PTPRG: variants seen among roughly 807,000 people sequenced by gnomAD.
PTPRG encodes the protein protein tyrosine phosphatase receptor type G.
In PTPRG, 102 loss-of-function variants were observed where a neutral mutation model predicts 165.3. The ratio of observed to expected loss-of-function variants is 0.62; its 90% CI spans 0.53 to 0.73. The LOEUF is 0.73. Ranked by LOEUF, PTPRG falls within the 30% of genes least tolerant of loss-of-function variation. PTPRG has a pLI of 0.00. For missense variants in PTPRG, 1,866 were observed against 1,861.4 expected, an observed-to-expected ratio of 1.00 and a Z score of -0.05; for synonymous variants, 675 against 669.5, an observed-to-expected ratio of 1.01 and a Z score of -0.13.
intron 2 of PTPRG, among the ~76,000 whole-genome samples, chr3:61,807,766 G>T (rs1343741721): frequency 1.3e-5 from 2 of 149,830 alleles, no homozygotes; most frequent in African/African-American, 4.9e-5. Flanking sequence ...ATTTTTTTTT[G>T]CCCTTTCAGA....
At chr3:61,780,494 C>T (rs1291162636) in intron 2 of PTPRG, among the ~76,000 whole-genome samples, 1 of 152,154 alleles carries the variant, frequency 6.6e-6, no homozygotes, top group East Asian at 1.9e-4. Context: ...TCCTTGGATT[C>T]GTTCCCAATA....
chr3:62,204,095 C>T (rs1700165214), intron 12 of PTPRG, 145 bp downstream of exon 12: 8 of 1,361,254 alleles, frequency 5.9e-6, no homozygotes, highest in Middle Eastern at 2.6e-4. Flanking sequence ...AAGGTGCACA[C>T]ATGTGAAATG....
intron 13 of PTPRG, among the ~76,000 whole-genome samples, chr3:62,220,711 T>C (rs974086808): frequency 5.9e-5 from 9 of 152,166 alleles, no homozygotes; most frequent in Non-Finnish European, 4.4e-5. Context: ...TGTGCAAATA[T>C]GTTTGAAGCC....
At chr3:61,975,759 G>T (rs769791700) in intron 2 of PTPRG, among the ~76,000 whole-genome samples, 18 of 151,732 alleles carry the variant, frequency 1.2e-4, no homozygotes, top group Non-Finnish European at 2.1e-4. Context: ...CTCCATCAAT[G>T]ATCTGTTTAG....
chr3:61,872,908 C>G (rs1458208825), intron 2 of PTPRG, among the ~76,000 whole-genome samples: 3 of 152,148 alleles, frequency 2.0e-5, no homozygotes, highest in Admixed American at 6.6e-5. Flanking sequence ...TAGGAAGATG[C>G]TCTCCTTGAA....
At chr3:61,998,123 T>A (rs2041082119) in intron 3 of PTPRG, among the ~76,000 whole-genome samples, 1 of 152,254 alleles carries the variant, frequency 6.6e-6, no homozygotes, top group South Asian at 2.1e-4. Flanking sequence ...ACATGTTGAA[T>A]TTAATTTATA....
At chr3:61,684,973 C>T (rs1243764973) in intron 1 of PTPRG, among the ~76,000 whole-genome samples, 5 of 152,140 alleles carry the variant, frequency 3.3e-5, no homozygotes, top group African/African-American at 1.2e-4. Context: ...CAAGTCTAGT[C>T]TCCTGGAGAT....
At position 62,228,304 on chromosome 3, in the gene PTPRG, C is replaced by T. The variant is rs921585072; in HGVS notation, c.2289-2921C>T. On this transcript the variant is annotated intron_variant, in intron 13 of 29. Coordinates refer to ENST00000474889, the MANE Select transcript of PTPRG (RefSeq NM_002841.4). The surrounding 1 kb of genome is among the most constrained non-coding windows in gnomAD (Gnocchi z 4.1). Reference sequence around the variant, plus strand: ...TTGGGAGGTCAAGGTAGGTGGATCACGAGGTCAGGAGTTCAAGAACAGCCT... The same window carrying T: ...TTGGGAGGTCAAGGTAGGTGGATCATGAGGTCAGGAGTTCAAGAACAGCCT... Among the ~76,000 whole-genome samples, 1 of 151,924 alleles carries T rather than the reference C, an allele frequency of 6.6e-6. No individual in the cohort carries two copies. Among genetic ancestry groups the T allele is most frequent in the South Asian group, 2.1e-4 (1 of 4,812 alleles).
rs572565957 is a variant in PTPRG at position 61,932,787 on chromosome 3, CA to C, written c.191-56837del. Among the ~76,000 whole-genome samples, 29 of 152,304 alleles carry C rather than the reference CA, an allele frequency of 1.9e-4. No homozygotes were observed. The South Asian group carries it at 5.6e-3, about 29-fold the overall frequency. ...GTCAGAAACAATTCAGTTTCTCTCA[CA>C]GTTGCTTTGATCTTGATTGGCTTTC... On this transcript the variant is annotated intron_variant, in intron 2 of 29. Transcript: ENST00000474889.
In PTPRG at chr3:62,154,898, C is replaced by A. The variant is rs890984238; in HGVS notation, c.683-2169C>A. ...TTGGTGGTGCCAAGCCCTACCCACACCCTCTATCGCTTGGGGCTTTGTGTT... is the reference window on the plus strand; with the variant it reads ...TTGGTGGTGCCAAGCCCTACCCACAACCTCTATCGCTTGGGGCTTTGTGTT... On this transcript the variant is annotated intron_variant, in intron 6 of 29. Coordinates refer to ENST00000474889, the MANE Select transcript of PTPRG (RefSeq NM_002841.4). 1.2e-4 allele frequency among the ~76,000 whole-genome samples: 18 copies of A among 152,304 alleles called. No individual in the cohort carries two copies. The East Asian group carries it at 2.9e-3, about 25-fold the overall frequency.
At chr3:61,758,774 T>C (rs928182405) in intron 2 of PTPRG, among the ~76,000 whole-genome samples, 2 of 152,136 alleles carry the variant, frequency 1.3e-5, no homozygotes, top group Non-Finnish European at 2.9e-5. Context: ...TCTCATTCTT[T>C]ATCTTGTGCC....
At chr3:62,071,694 G>C (rs970673374) in intron 4 of PTPRG, among the ~76,000 whole-genome samples, 1 of 152,218 alleles carries the variant, frequency 6.6e-6, no homozygotes, top group African/African-American at 2.4e-5. Context: ...AGGAAGCACA[G>C]TGATTAAGAT....
At chr3:62,162,606 A>G (rs895726457) in intron 7 of PTPRG, among the ~76,000 whole-genome samples, 1 of 152,124 alleles carries the variant, frequency 6.6e-6, no homozygotes, top group African/African-American at 2.4e-5. Flanking sequence ...GCGTTGGGCT[A>G]TTGGCAGTTT....
intron 2 of PTPRG, among the ~76,000 whole-genome samples, chr3:61,935,449 A>G (rs935207240): frequency 1.3e-5 from 2 of 152,162 alleles, no homozygotes; most frequent in Non-Finnish European, 2.9e-5. Context: ...CAACCCCACC[A>G]AAAATACATA....
intron 6 of PTPRG, among the ~76,000 whole-genome samples, chr3:62,137,956 A>T (rs1703775485): frequency 2.6e-5 from 4 of 152,116 alleles, no homozygotes; most frequent in Admixed American, 2.6e-4. Context: ...TTCTTTGGCA[A>T]CTTCTCATAT....
At chr3:61,995,135 C>G (rs1000748090) in intron 3 of PTPRG, among the ~76,000 whole-genome samples, 6 of 128,480 alleles carry the variant, frequency 4.7e-5, no homozygotes, top group African/African-American at 1.8e-4. Context: ...GTTGCCCAGG[C>G]TGGAATGCAA....
At chr3:61,608,862 G>T (rs1701086224) in intron 1 of PTPRG, among the ~76,000 whole-genome samples, 1 of 152,172 alleles carries the variant, frequency 6.6e-6, no homozygotes, top group Non-Finnish European at 1.5e-5. Flanking sequence ...TCTTTACGCT[G>T]AGCCCTTGCT....
At chr3:61,813,208 G>A (rs114994880) in intron 2 of PTPRG, among the ~76,000 whole-genome samples, 16 of 151,710 alleles carry the variant, frequency 1.1e-4, no homozygotes, top group African/African-American at 3.9e-4. Flanking sequence ...AAATCTTTGT[G>A]GGTATGGCTG....
At chr3:61,892,162 A>G (rs1343322401) in intron 2 of PTPRG, among the ~76,000 whole-genome samples, 3 of 152,180 alleles carry the variant, frequency 2.0e-5, no homozygotes, top group East Asian at 1.9e-4. Flanking sequence ...AGCTTATGGA[A>G]CATTCTCCAA....
Sources: allele counts gnomAD v4.1 joint callset (sites outside exome capture counted in the v4.1 genomes callset), GRCh38; gene constraint gnomAD v4.1.1; non-coding constraint Gnocchi (gnomAD v3.1); transcripts MANE v1.5; gene names NCBI Gene and HGNC (gene_info 2026-07-23, HGNC 2026-07-21).